PHACTR4: variants seen among roughly 807,000 people sequenced by gnomAD.
The protein encoded by PHACTR4 is protein phosphatase 1, regulatory subunit 124.
A neutral mutation model predicts 72.7 loss-of-function variants in PHACTR4; 51 were observed. That is an observed-to-expected ratio of 0.70 (90% CI 0.56 to 0.89). PHACTR4 has a LOEUF of 0.89. Among genes scored for constraint, PHACTR4 ranks in the 40% least tolerant of loss-of-function variants. The pLI, the probability that PHACTR4 is intolerant of heterozygous loss-of-function variation, is 0.00. For synonymous variants in PHACTR4, 255 were observed against 302.5 expected (o/e 0.84, Z 1.63); for missense variants, 731 against 861.8 (o/e 0.85, Z 1.90).
chr1:28,456,541 G>A (rs935424614), intron 2 of PHACTR4, among the ~76,000 whole-genome samples: 8 of 151,972 alleles, frequency 5.3e-5, no homozygotes, highest in Non-Finnish European at 1.0e-4. Flanking sequence ...ACAGCTCATT[G>A]CAGCCTGGAC....
rs191671063 is a variant in PHACTR4 at position 28,381,684 on chromosome 1, T to C, written c.-39+11859T>C. On this transcript the variant is annotated intron_variant, in intron 1 of 13. Coordinates refer to ENST00000373839, the MANE Select transcript of PHACTR4 (RefSeq NM_001048183.3). ...GTCATTTCGATTGGCATTTCTCTAA[T>C]GGTCAGTGATGTTGAGCTTTTTTCA... Among the ~76,000 whole-genome samples, 594 of 152,282 alleles carry C rather than the reference T, an allele frequency of 3.9e-3. 4 individuals carry two copies. Among genetic ancestry groups the C allele is most frequent in the African/African-American group, 0.013 (546 of 41,568 alleles).
chr1:28,484,548 G>A (rs542781085), intron 9 of PHACTR4, among the ~76,000 whole-genome samples: 1 of 151,280 alleles, frequency 6.6e-6, no homozygotes, highest in Admixed American at 6.6e-5. Flanking sequence ...GTATATATAT[G>A]TGTGTATGTA....
Position 28,459,331 on chromosome 1 carries a change from T to C in PHACTR4, c.190+73T>C, listed in dbSNP as rs1030621618. On this transcript the variant is annotated intron_variant, in intron 3 of 13. Coordinates refer to ENST00000373839, the MANE Select transcript of PHACTR4 (RefSeq NM_001048183.3). The stretch of plus-strand genomic sequence containing the variant: ...GTTAGATGTATTTAATTTTTCCTTA[T>C]CTTCCCAAGTTTCTGTAGTCCTCTA... 2.6e-5 allele frequency: 35 copies of C among 1,353,392 alleles called. No homozygotes were observed. In the East Asian group the frequency reaches 7.7e-4, roughly 30 times the overall value. 83.8% of individuals were successfully genotyped at this position (1,353,392 alleles called of 1,614,324 possible).
intron 8 of PHACTR4, among the ~76,000 whole-genome samples, chr1:28,480,065 G>A (rs1183927209): frequency 1.3e-5 from 2 of 152,180 alleles, no homozygotes; most frequent in Non-Finnish European, 2.9e-5. Context: ...GCAAATAATT[G>A]AGTCCTGATT....
intron 6 of PHACTR4, among the ~76,000 whole-genome samples, chr1:28,467,707 T>C (rs1266233715): frequency 6.6e-6 from 1 of 152,138 alleles, no homozygotes; most frequent in Non-Finnish European, 1.5e-5. Flanking sequence ...TCTGATAAAA[T>C]CATGTTTTAT....
chr1:28,476,772 C>CTTTTTTTTTTTTT (rs35369238), intron 8 of PHACTR4, among the ~76,000 whole-genome samples: 2,234 of 97,720 alleles, frequency 0.023, 388 homozygotes, highest in African/African-American at 0.071. Flanking sequence ...CTAGCCTGTT[C>CTTTTTTTTTTTTT]TTTTTTTTTT....
At chr1:28,404,538 C>T (rs1034100535) in intron 1 of PHACTR4, among the ~76,000 whole-genome samples, 2 of 152,010 alleles carry the variant, frequency 1.3e-5, no homozygotes, top group Non-Finnish European at 2.9e-5. Flanking sequence ...CCGCCTCAGC[C>T]TCCCAAAGTG....
At chr1:28,378,288 G>A (rs1044539272) in intron 1 of PHACTR4, among the ~76,000 whole-genome samples, 3 of 149,768 alleles carry the variant, frequency 2.0e-5, no homozygotes, top group Non-Finnish European at 4.4e-5. Context: ...GATCACCTGA[G>A]GTCAGGAGTT....
chr1:28,486,341 G>A (rs143766390), intron 9 of PHACTR4, among the ~76,000 whole-genome samples: 237 of 152,250 alleles, frequency 1.6e-3, no homozygotes, highest in African/African-American at 5.3e-3. Flanking sequence ...GGGCAACAGT[G>A]CAAAACTCTG....
In PHACTR4 at chr1:28,474,126, C is replaced by G. The variant is rs1327379245; in HGVS notation, c.1396C>G (p.Pro466Ala). 9.3e-6 allele frequency: 15 copies of G among 1,613,024 alleles called. No individual in the cohort carries two copies. Among genetic ancestry groups the G allele is most frequent in the Non-Finnish European group, 1.3e-5 (15 of 1,179,448 alleles). ...TACGCTGGGTCGGACCAGGTCTCTT[C>G]CCATCACTATTGAAATGCTAAAAGT... The part of the protein sequence containing the change: ...SSTLGRTRSL[P>A]ITIEMLKVPD... The change falls in exon 7 of 14, where the codon CCC becomes GCC. Residue 466 changes from proline to alanine, a missense_variant. Pro to Ala is a conservative substitution (Grantham distance 27). Coordinates refer to ENST00000373839, the MANE Select transcript of PHACTR4 (RefSeq NM_001048183.3).
intron 7 of PHACTR4, 28 bp downstream of exon 7, chr1:28,474,179 T>C: frequency 6.4e-7 from 1 of 1,566,110 alleles, no homozygotes; most frequent in Non-Finnish European, 8.7e-7. Context: ...TTGCCTCTTA[T>C]TTCTCCTTTA....
At chr1:28,457,795 G>A in intron 2 of PHACTR4, 1 of 983,600 alleles carries the variant, frequency 1.0e-6, no homozygotes, top group Non-Finnish European at 1.2e-6. Flanking sequence ...ATTTCAGGAT[G>A]GTTTTTCCAC....
intron 9 of PHACTR4, among the ~76,000 whole-genome samples, chr1:28,486,692 C>A (rs1660664291): frequency 6.6e-6 from 1 of 151,998 alleles, no homozygotes; most frequent in Non-Finnish European, 1.5e-5. Context: ...CATGCTGAAA[C>A]CCCATCTCTA....
chr1:28,463,592 C>T (rs1658952740), intron 4 of PHACTR4, among the ~76,000 whole-genome samples: 2 of 152,216 alleles, frequency 1.3e-5, no homozygotes, highest in Non-Finnish European at 2.9e-5. Flanking sequence ...CAGTAACTTA[C>T]TATTTTTGTA....
chr1:28,494,742 C>T (rs1661239188), intron 13 of PHACTR4, among the ~76,000 whole-genome samples: 2 of 152,222 alleles, frequency 1.3e-5, no homozygotes, highest in Admixed American at 6.6e-5. Flanking sequence ...GTAGCTGGAT[C>T]AGAGGATGTT....
At chr1:28,391,599 CTTTTTTTTTT>C (rs751801605) in intron 1 of PHACTR4, among the ~76,000 whole-genome samples, 2 of 98,820 alleles carry the variant, frequency 2.0e-5, no homozygotes, top group African/African-American at 8.3e-5. Context: ...AAAATATATT[CTTTTTTTTTT>C]TTTTTTTTTT....
chr1:28,490,820 G>C, intron 10 of PHACTR4, 131 bp from the exon 11 acceptor site: 1 of 903,684 alleles, frequency 1.1e-6, no homozygotes, highest in Non-Finnish European at 1.7e-6. Context: ...TCCAGCCTGG[G>C]CAACAAGAGC....
intron 8 of PHACTR4, among the ~76,000 whole-genome samples, chr1:28,477,327 G>A (rs948000545): frequency 3.3e-5 from 5 of 151,396 alleles, no homozygotes; most frequent in Non-Finnish European, 7.4e-5. Context: ...CTCGTGATCC[G>A]CCCACCTCCC....
intron 2 of PHACTR4, among the ~76,000 whole-genome samples, chr1:28,419,568 G>T (rs1239875995): frequency 2.0e-5 from 3 of 151,824 alleles, no homozygotes; most frequent in Non-Finnish European, 4.4e-5. Flanking sequence ...TCAGCCTGCC[G>T]AGTAGCTGGG....
Sources: gnomAD v4.1 joint callset for allele counts (sites outside exome capture counted in the v4.1 genomes callset) on GRCh38, gnomAD v4.1.1 for gene constraint, MANE v1.5 for transcripts, NCBI Gene and HGNC (gene_info 2026-07-23, HGNC 2026-07-21) for gene names.